The following NHS variants were observed in gnomAD, a reference collection of about 807,000 sequenced individuals.
The protein encoded by NHS is actin remodeling regulator NHS.
Under a neutral mutation model 72.5 loss-of-function variants are expected in NHS, and 5 were observed. That is an observed-to-expected ratio of 0.07 (90% CI 0.04 to 0.14). The LOEUF is 0.14. NHS is among the 10% of genes least tolerant of loss of function. The pLI is 1.00. For synonymous variants in NHS, 464 were observed against 547.7 expected (o/e 0.85, Z 2.13); for missense variants, 1,072 against 1,355.7 (o/e 0.79, Z 3.29).
chrX:17,557,837 A>G (rs921000053), intron 1 of NHS, among the ~76,000 whole-genome samples: 7 of 112,353 alleles, frequency 6.2e-5, no homozygotes, highest in African/African-American at 2.3e-4. Context: ...CCAAGGCCTC[A>G]GTTCTTCACT....
At chrX:17,540,324 C>A (rs375611589) in intron 1 of NHS, among the ~76,000 whole-genome samples, 2 of 111,781 alleles carry the variant, frequency 1.8e-5, no homozygotes, top group African/African-American at 6.5e-5. Context: ...GAAAAGGAAG[C>A]AAATTCTGTG....
At chrX:17,663,549 G>T (rs1470218672) in intron 1 of NHS, among the ~76,000 whole-genome samples, 9 of 112,044 alleles carry the variant, frequency 8.0e-5, no homozygotes, top group Non-Finnish European at 1.7e-4. Flanking sequence ...CCATGCTGTT[G>T]TATGTATCAG....
intron 1 of NHS, among the ~76,000 whole-genome samples, chrX:17,431,536 G>A (rs1445160559): frequency 1.8e-5 from 2 of 111,529 alleles, no homozygotes; most frequent in Admixed American, 9.5e-5. Context: ...GAAGGGGTAT[G>A]CTTTTTCCTA....
chrX:17,428,960 A>C (rs2064671548), intron 1 of NHS, among the ~76,000 whole-genome samples: 1 of 111,386 alleles, frequency 9.0e-6, no homozygotes, highest in African/African-American at 3.3e-5. Flanking sequence ...TAAATTTATC[A>C]AATATTTATT....
intron 1 of NHS, among the ~76,000 whole-genome samples, chrX:17,448,108 G>T (rs2064790580): frequency 1.8e-5 from 2 of 111,094 alleles, no homozygotes; most frequent in South Asian, 3.8e-4. Flanking sequence ...GTAACCTCCT[G>T]GGTGAAATGT....
At chrX:17,489,736 C>T (rs1483204656) in intron 1 of NHS, among the ~76,000 whole-genome samples, 2 of 112,059 alleles carry the variant, frequency 1.8e-5, no homozygotes, top group African/African-American at 6.5e-5. Context: ...ATCTGCCCAC[C>T]TCGGCCTCCC....
intron 1 of NHS, among the ~76,000 whole-genome samples, chrX:17,439,581 G>A (rs1184246776): frequency 1.8e-5 from 2 of 111,908 alleles, no homozygotes; most frequent in Non-Finnish European, 3.8e-5. Flanking sequence ...GTTATGTATG[G>A]AGATTTATTC....
At chrX:17,506,044 C>T (rs1034223854) in intron 1 of NHS, among the ~76,000 whole-genome samples, 1 of 111,926 alleles carries the variant, frequency 8.9e-6, no homozygotes, top group Non-Finnish European at 1.9e-5. Flanking sequence ...ATCTGACTCT[C>T]GGCCAAATCC....
At chrX:17,378,627 G>A (rs1308426298) in intron 1 of NHS, among the ~76,000 whole-genome samples, 1 of 112,089 alleles carries the variant, frequency 8.9e-6, no homozygotes, top group Non-Finnish European at 1.9e-5. Context: ...GAGGGGGTAG[G>A]GAAGTGAGAC....
intron 1 of NHS, among the ~76,000 whole-genome samples, chrX:17,550,847 A>C (rs1188690014): frequency 9.0e-6 from 1 of 111,685 alleles, no homozygotes; most frequent in African/African-American, 3.3e-5. Flanking sequence ...CTGGCTTTGG[A>C]GTGGCCCACA....
chrX:17,542,756 C>T (rs192607011), intron 1 of NHS, among the ~76,000 whole-genome samples: 3 of 108,585 alleles, frequency 2.8e-5, no homozygotes, highest in African/African-American at 6.7e-5. Flanking sequence ...AAAGTTGAGG[C>T]GTGTAGTACT....
At chrX:17,649,188 A>G (rs901211909) in intron 1 of NHS, among the ~76,000 whole-genome samples, 3 of 112,239 alleles carry the variant, frequency 2.7e-5, no homozygotes, top group African/African-American at 9.7e-5. Flanking sequence ...TGCAAACATA[A>G]ACTTACAGTT....
At position 17,607,022 on chromosome X, in the gene NHS, G is replaced by A. The variant is rs546141541; in HGVS notation, c.566-80720G>A. Among the ~76,000 whole-genome samples, 41 of 112,167 alleles carry A rather than the reference G, an allele frequency of 3.7e-4. 1 individual carries two copies. The South Asian group carries it at 0.014, about 38-fold the overall frequency. On this transcript the variant is annotated intron_variant, in intron 1 of 8. Transcript: ENST00000676302. Reference sequence around the variant, plus strand: ...GAGTACATTAAATGACTTGTCCAGGGCCACATAGCTTGTAAGTGACAGAGA... The same window carrying A: ...GAGTACATTAAATGACTTGTCCAGGACCACATAGCTTGTAAGTGACAGAGA...
intron 3 of NHS, among the ~76,000 whole-genome samples, chrX:17,692,748 G>A (rs1458816139): frequency 2.7e-5 from 3 of 110,387 alleles, no homozygotes; most frequent in African/African-American, 6.6e-5. Flanking sequence ...TTCAAACCTC[G>A]GTTCTTCTGC....
Position 17,732,216 on chromosome X carries a change from G to A in NHS, c.4708G>A (p.Ala1570Thr). 4 of 1,211,969 alleles carry A rather than the reference G, an allele frequency of 3.3e-6. No individual in the cohort carries two copies. The highest frequency in any genetic ancestry group is 5.9e-5 in the East Asian group (2 of 33,835). ...TDDAHQGSQG[A>T]EALSPLSPCS... ...TGATGCCCATCAGGGGTCACAAGGG[G>A]CTGAGGCATTGTCCCCACTCTCTCC... The change falls in exon 9 of 9, where the codon GCT (alanine) becomes ACT (threonine). Residue 1570 changes from alanine (A) to threonine (T), a missense_variant. Coordinates refer to ENST00000676302, the MANE Select transcript of NHS (RefSeq NM_001291867.2).
intron 1 of NHS, among the ~76,000 whole-genome samples, chrX:17,620,192 C>T (rs1390363247): frequency 9.0e-6 from 1 of 111,615 alleles, no homozygotes; most frequent in Non-Finnish European, 1.9e-5. Context: ...GGGAAACTGA[C>T]GTTCATTTTT....
chrX:17,604,750 C>T lies in NHS; in HGVS notation c.566-82992C>T, dbSNP rs2065670674. 2.7e-5 allele frequency among the ~76,000 whole-genome samples: 3 copies of T among 112,327 alleles called. No individual in the cohort carries two copies. The South Asian group carries it at 1.1e-3, about 42-fold the overall frequency. On this transcript the variant is annotated intron_variant, in intron 1 of 8. Transcript: ENST00000676302. Reference sequence around the variant, plus strand: ...GCATGCATGCATGAATGAATGCTTCCTCTAAACCTGAGTAAGCCAAGCACC... The same window carrying T: ...GCATGCATGCATGAATGAATGCTTCTTCTAAACCTGAGTAAGCCAAGCACC...
intron 3 of NHS, among the ~76,000 whole-genome samples, chrX:17,694,223 C>A (rs1444174826): frequency 4.5e-5 from 5 of 111,838 alleles, no homozygotes. Context: ...TTTGTCCATC[C>A]CAAATGATAA....
chrX:17,676,804 A>G (rs1394792835), intron 1 of NHS, among the ~76,000 whole-genome samples: 1 of 112,528 alleles, frequency 8.9e-6, no homozygotes, highest in Non-Finnish European at 1.9e-5. Flanking sequence ...GCTGAAAAGC[A>G]AGCACTTTAC....
Sources: gnomAD v4.1 joint callset for allele counts (sites outside exome capture counted in the v4.1 genomes callset) on GRCh38, gnomAD v4.1.1 for gene constraint, MANE v1.5 for transcripts, NCBI Gene and HGNC (gene_info 2026-07-23, HGNC 2026-07-21) for gene names.